Variants in LRP1B observed in about 807,000 individuals in gnomAD.
The protein encoded by LRP1B is low-density lipoprotein receptor-related protein 1B.
In LRP1B, 217 loss-of-function variants were observed where a neutral mutation model predicts 556.6. That is an observed-to-expected ratio of 0.39 (90% confidence interval 0.35 to 0.44). The LOEUF (loss-of-function observed/expected upper bound fraction) is 0.44. Among genes scored for constraint, LRP1B ranks in the 20% least tolerant of loss-of-function variants. The pLI is 1.00. For synonymous variants in LRP1B, 2,047 were observed against 1,865.8 expected, an observed-to-expected ratio of 1.10 and a Z score of -2.50; for missense variants, 5,053 against 5,620.8, an observed-to-expected ratio of 0.90 and a Z score of 3.23.
rs144945780 is a variant in LRP1B, at chr2:140,312,074, A to T, written c.12805+2861T>A. Reference sequence around the variant, plus strand: ...AATGCTCTTTACTTCCGGGGGAAAAAAAATCCTTCACTGCCAAAGTCCTCA... The same window carrying T: ...AATGCTCTTTACTTCCGGGGGAAAATAAATCCTTCACTGCCAAAGTCCTCA... On this transcript the variant is annotated intron_variant, in intron 83 of 90. Transcript: ENST00000389484. Among the ~76,000 whole-genome samples, 1,032 of 151,956 alleles carry T rather than the reference A, an allele frequency of 6.8e-3. 12 individuals carry two copies. Among genetic ancestry groups the T allele is most frequent in the South Asian group, 0.02 (96 of 4,830 alleles).
intron 7 of LRP1B, among the ~76,000 whole-genome samples, chr2:141,128,552 CT>C (rs770257938): frequency 3.6e-4 from 55 of 152,286 alleles, no homozygotes; most frequent in Non-Finnish European, 7.9e-4. Flanking sequence ...TCCAGCAGCT[CT>C]TTGAGAATAA....
intron 1 of LRP1B, among the ~76,000 whole-genome samples, chr2:141,866,152 T>C (rs1698407916): frequency 6.6e-6 from 1 of 152,204 alleles, no homozygotes; most frequent in Non-Finnish European, 1.5e-5. Context: ...ATCAAGAAGC[T>C]CCAGATATGC....
intron 30 of LRP1B, 54 bp downstream of exon 30, chr2:140,840,864 G>A (rs1443056587): frequency 3.6e-6 from 5 of 1,373,698 alleles, no homozygotes; most frequent in Middle Eastern, 1.9e-4. Context: ...TATAAAATCA[G>A]GGCAAAAGTC....
intron 4 of LRP1B, among the ~76,000 whole-genome samples, chr2:141,248,618 A>G (rs1684153324): frequency 6.6e-6 from 1 of 152,186 alleles, no homozygotes; most frequent in Non-Finnish European, 1.5e-5. Flanking sequence ...GTGTGAAGGA[A>G]AGCGGCAGAA....
chr2:140,710,858 A>G (rs1223089434), intron 37 of LRP1B, among the ~76,000 whole-genome samples: 1 of 152,110 alleles, frequency 6.6e-6, no homozygotes, highest in Non-Finnish European at 1.5e-5. Context: ...AACCCATTTT[A>G]GGAGTTCAAT....
chr2:141,964,590 C>T (rs906276856), intron 1 of LRP1B, among the ~76,000 whole-genome samples: 9 of 151,778 alleles, frequency 5.9e-5, no homozygotes, highest in African/African-American at 1.9e-4. Flanking sequence ...ATACAAAAAT[C>T]AATTCAAGAT....
chr2:141,135,768 T>C (rs1169020594), intron 7 of LRP1B, among the ~76,000 whole-genome samples: 1 of 151,930 alleles, frequency 6.6e-6, no homozygotes, highest in African/African-American at 2.4e-5. Flanking sequence ...GTACTGAGTA[T>C]ATACATGTGG....
chr2:141,447,923 C>T (rs1024068622), intron 3 of LRP1B, among the ~76,000 whole-genome samples: 5 of 152,216 alleles, frequency 3.3e-5, no homozygotes, highest in African/African-American at 1.2e-4. Context: ...CAGTCTGTCC[C>T]TTAGCAGAGC....
intron 32 of LRP1B, among the ~76,000 whole-genome samples, chr2:140,801,065 CATT>C (rs1452621714): frequency 6.6e-6 from 1 of 151,804 alleles, no homozygotes; most frequent in Non-Finnish European, 1.5e-5. Context: ...TGTGTGTGGC[CATT>C]ATTCTATTTA....
intron 41 of LRP1B, among the ~76,000 whole-genome samples, chr2:140,643,047 A>G (rs1037732874): frequency 6.6e-6 from 1 of 151,096 alleles, no homozygotes; most frequent in Admixed American, 6.6e-5. Context: ...ATGTAATATG[A>G]ACACAGAGTT....
chr2:140,577,219 T>A (rs1186341190), intron 43 of LRP1B, among the ~76,000 whole-genome samples: 3 of 152,014 alleles, frequency 2.0e-5, no homozygotes, highest in Non-Finnish European at 2.9e-5. Flanking sequence ...GTGTGGTTGC[T>A]CATGCCTGTA....
chr2:141,446,816 G>A (rs1038589653), intron 3 of LRP1B, among the ~76,000 whole-genome samples: 49 of 152,188 alleles, frequency 3.2e-4, no homozygotes, highest in Admixed American at 1.6e-3. Flanking sequence ...TGTGGGTAAC[G>A]CAACCTTTCT....
intron 1 of LRP1B, among the ~76,000 whole-genome samples, chr2:142,047,203 T>C (rs187067902): frequency 3.3e-5 from 5 of 152,050 alleles, no homozygotes; most frequent in African/African-American, 9.6e-5. Context: ...TGGTAGTATA[T>C]GGAAATGGTC....
intron 10 of LRP1B, among the ~76,000 whole-genome samples, chr2:141,053,826 A>ATGTGTGTGTG (rs200557177): frequency 1.1e-4 from 7 of 62,504 alleles, no homozygotes; most frequent in African/African-American, 3.3e-4. Context: ...ATGTGTGTAT[A>ATGTGTGTGTG]TATGTGTGTG....
intron 51 of LRP1B, 24 bp from the exon 52 acceptor site, chr2:140,510,080 A>G (rs1689589624): frequency 8.1e-6 from 13 of 1,611,276 alleles, no homozygotes; most frequent in Non-Finnish European, 1.1e-5. Flanking sequence ...ACATAATGCC[A>G]TTAAGATTAC....
intron 2 of LRP1B, among the ~76,000 whole-genome samples, chr2:141,711,584 T>C (rs1394819871): frequency 6.6e-6 from 1 of 152,214 alleles, no homozygotes. Context: ...AATGCATCTG[T>C]TCTTTCTTGC....
At chr2:142,000,254 T>C (rs1030099537) in intron 1 of LRP1B, among the ~76,000 whole-genome samples, 1 of 152,166 alleles carries the variant, frequency 6.6e-6, no homozygotes. Flanking sequence ...CTCTGTTGGC[T>C]CACCATTGAA....
At chr2:140,852,223 A>G (rs1292775334) in intron 27 of LRP1B, among the ~76,000 whole-genome samples, 1 of 152,172 alleles carries the variant, frequency 6.6e-6, no homozygotes, top group Non-Finnish European at 1.5e-5. Context: ...GCTAGTCAGG[A>G]GGCTGAGGCA....
intron 2 of LRP1B, among the ~76,000 whole-genome samples, chr2:141,715,136 A>G (rs1692530483): frequency 6.6e-6 from 1 of 152,148 alleles, no homozygotes; most frequent in Admixed American, 6.5e-5. Context: ...AGAGTGTTTC[A>G]GAGGTATTAT....
Sources: allele counts gnomAD v4.1 joint callset (sites outside exome capture counted in the v4.1 genomes callset), GRCh38; gene constraint gnomAD v4.1.1; transcripts MANE v1.5; gene names NCBI Gene and HGNC (gene_info 2026-07-23, HGNC 2026-07-21).